The following PAWR variants were observed in gnomAD, a reference collection of about 807,000 sequenced individuals.
PAWR encodes the protein PRKC apoptosis WT1 regulator protein.
Under a neutral mutation model 32.0 loss-of-function variants are expected in PAWR, and 23 were observed. The observed-to-expected ratio is 0.72, with a 90% CI of 0.52 to 1.02. PAWR has a LOEUF of 1.02. PAWR is among the 50% of genes least tolerant of loss of function. The probability of loss-of-function intolerance (pLI) is 0.00; values close to 1 mark genes in which losing one functional copy is unlikely to be tolerated. For missense variants in PAWR, 457 were observed against 437.7 expected, an observed-to-expected ratio of 1.04 and a Z score of -0.39; for synonymous variants, 226 against 187.1, an observed-to-expected ratio of 1.21 and a Z score of -1.70.
chr12:79,656,527 C>T (rs1877102580), intron 2 of PAWR, among the ~76,000 whole-genome samples: 1 of 152,162 alleles, frequency 6.6e-6, no homozygotes, highest in South Asian at 2.1e-4. Flanking sequence ...GATGGTGCTA[C>T]TACTCACAAG....
At chr12:79,689,703 C>A (rs1462078574) in intron 2 of PAWR, 26 bp downstream of exon 2, 3 of 1,532,902 alleles carry the variant, frequency 2.0e-6, no homozygotes, top group Non-Finnish European at 2.6e-6. Context: ...CCGGCCCGGT[C>A]CGGCTGCGGC....
At chr12:79,657,284 A>T (rs1877133115) in intron 2 of PAWR, among the ~76,000 whole-genome samples, 1 of 152,148 alleles carries the variant, frequency 6.6e-6, no homozygotes, top group African/African-American at 2.4e-5. Context: ...TTACAAAGGA[A>T]CACGGGTAAA....
intron 2 of PAWR, among the ~76,000 whole-genome samples, chr12:79,671,375 T>C (rs1471545208): frequency 3.3e-5 from 5 of 152,214 alleles, no homozygotes; most frequent in East Asian, 1.9e-4. Context: ...AAGGTTTTAA[T>C]CAATATTCTG....
At chr12:79,674,416 C>T (rs1878059716) in intron 2 of PAWR, among the ~76,000 whole-genome samples, 1 of 151,610 alleles carries the variant, frequency 6.6e-6, no homozygotes, top group Non-Finnish European at 1.5e-5. Context: ...CTCAAATGGA[C>T]TAAAGGCTTA....
chr12:79,688,519 T>G (rs991181691), intron 2 of PAWR: 1 of 149,556 alleles, frequency 6.7e-6, no homozygotes, highest in African/African-American at 2.4e-5. Flanking sequence ...CTCTTACGAA[T>G]TCCTTCTAAA....
In PAWR at chr12:79,621,097, T is replaced by G; in HGVS notation, c.627A>C (p.Pro209=). Residue 209 remains proline (P), a synonymous_variant, in exon 3 of 7, where the codon CCA becomes CCC. Coordinates refer to ENST00000328827, the MANE Select transcript of PAWR (RefSeq NM_002583.4). ...TCACCTGTAGCAGATAGGAACTGCCTGGATCTAGTAAGTTTACAGCTTCAT... is the reference window on the plus strand; with the variant it reads ...TCACCTGTAGCAGATAGGAACTGCCGGGATCTAGTAAGTTTACAGCTTCAT... ...IQNEAVNLLD[P]GSSYLLQEPP... 7 of 1,605,756 alleles carry G rather than the reference T, an allele frequency of 4.4e-6. No homozygotes were observed. Among genetic ancestry groups the G allele is most frequent in the Non-Finnish European group, 5.9e-6 (7 of 1,176,610 alleles).
chr12:79,655,566 A>C (rs989572464), intron 2 of PAWR, among the ~76,000 whole-genome samples: 3 of 152,216 alleles, frequency 2.0e-5, no homozygotes, highest in Non-Finnish European at 4.4e-5. Flanking sequence ...AAAAAGGATA[A>C]CCAATAAACT....
intron 2 of PAWR, among the ~76,000 whole-genome samples, chr12:79,648,482 C>T (rs1876683568): frequency 6.6e-6 from 1 of 152,040 alleles, no homozygotes; most frequent in African/African-American, 2.4e-5. Flanking sequence ...TGGATATATG[C>T]TTTAAACTTC....
At chr12:79,679,062 C>T (rs1349869574) in intron 2 of PAWR, among the ~76,000 whole-genome samples, 1 of 152,064 alleles carries the variant, frequency 6.6e-6, no homozygotes, top group African/African-American at 2.4e-5. Context: ...TGTGCCCGGC[C>T]CATGGCCCCC....
chr12:79,651,755 G>A lies in PAWR; in HGVS notation c.517-30548C>T, dbSNP rs118039748. Among the ~76,000 whole-genome samples, 129 of 152,122 alleles carry A rather than the reference G, an allele frequency of 8.5e-4. 1 individual carries two copies. The East Asian group carries it at 0.019, about 23-fold the overall frequency. The stretch of plus-strand genomic sequence containing the variant: ...GGAATTTCGATGCTTAAATTCCTTG[G>A]TCTCTTCTGTAGTAGATGTCTAAAC... On this transcript the variant is annotated intron_variant, in intron 2 of 6. Transcript: ENST00000328827.
chr12:79,599,871 T>A (rs911303987), intron 4 of PAWR, among the ~76,000 whole-genome samples: 14 of 152,196 alleles, frequency 9.2e-5, no homozygotes, highest in African/African-American at 3.4e-4. Context: ...AGTCAGACTA[T>A]CAGAAACCCC....
At chr12:79,615,695 G>T (rs957809738) in intron 3 of PAWR, among the ~76,000 whole-genome samples, 1 of 152,130 alleles carries the variant, frequency 6.6e-6, no homozygotes, top group South Asian at 2.1e-4. Context: ...AATGTCGAAA[G>T]AAATATTAAG....
chr12:79,643,848 A>G (rs1271900149), intron 2 of PAWR, among the ~76,000 whole-genome samples: 1 of 152,202 alleles, frequency 6.6e-6, no homozygotes, highest in Non-Finnish European at 1.5e-5. Context: ...AAATAAAATA[A>G]TATGTAAATG....
intron 4 of PAWR, chr12:79,597,231 T>C (rs1873797017): frequency 6.6e-6 from 1 of 152,004 alleles, no homozygotes; most frequent in African/African-American, 2.4e-5. Flanking sequence ...GGCAAATTAT[T>C]TTGTATTTCT....
intron 5 of PAWR, among the ~76,000 whole-genome samples, chr12:79,594,822 T>C (rs1873689294): frequency 6.6e-6 from 1 of 152,138 alleles, no homozygotes; most frequent in Middle Eastern, 3.2e-3. Context: ...GTTCAAGCGA[T>C]TCTCCTGCCT....
At chr12:79,631,807 G>C (rs1339651387) in intron 2 of PAWR, among the ~76,000 whole-genome samples, 1 of 152,042 alleles carries the variant, frequency 6.6e-6, no homozygotes, top group African/African-American at 2.4e-5. Flanking sequence ...AAATGAAGAG[G>C]ATCTAAAATA....
intron 2 of PAWR, among the ~76,000 whole-genome samples, chr12:79,643,435 C>T (rs1436192413): frequency 6.6e-6 from 1 of 152,076 alleles, no homozygotes; most frequent in South Asian, 2.1e-4. Context: ...AACAAAACGT[C>T]CAGGTACCCC....
chr12:79,645,115 T>A (rs986468407), intron 2 of PAWR, among the ~76,000 whole-genome samples: 1 of 151,400 alleles, frequency 6.6e-6, no homozygotes, highest in Non-Finnish European at 1.5e-5. Flanking sequence ...CTAATCGGAC[T>A]CCAAGTTTTA....
chr12:79,599,298 A>T (rs970344231), intron 4 of PAWR, among the ~76,000 whole-genome samples: 1 of 152,180 alleles, frequency 6.6e-6, no homozygotes, highest in Admixed American at 6.5e-5. Context: ...AGAAACCTCA[A>T]ATGTAATGAA....
Sources: gnomAD v4.1 joint callset for allele counts (sites outside exome capture counted in the v4.1 genomes callset) on GRCh38, gnomAD v4.1.1 for gene constraint, MANE v1.5 for transcripts, NCBI Gene and HGNC (gene_info 2026-07-23, HGNC 2026-07-21) for gene names.